PCDH15: variants seen among roughly 807,000 people sequenced by gnomAD.
PCDH15 encodes protocadherin-15.
In PCDH15, 129 loss-of-function variants were observed where a neutral mutation model predicts 178.5. That is an observed-to-expected ratio of 0.72 (90% CI 0.63 to 0.84). The LOEUF (loss-of-function observed/expected upper bound fraction) is 0.84. Among genes scored for constraint, PCDH15 ranks in the 40% least tolerant of loss-of-function variants. The pLI is 0.00. For synonymous variants in PCDH15, 800 were observed against 732.0 expected (o/e 1.09, Z -1.50); for missense variants, 2,230 against 2,099.9 (o/e 1.06, Z -1.21).
intron 2 of PCDH15, among the ~76,000 whole-genome samples, chr10:55,613,738 T>A (rs1472045005): frequency 1.3e-5 from 2 of 152,210 alleles, no homozygotes; most frequent in East Asian, 3.8e-4. Context: ...CATAGCCTCG[T>A]AGCTCAAAGC....
At chr10:55,564,764 T>C (rs749841893) in intron 2 of PCDH15, among the ~76,000 whole-genome samples, 1 of 150,914 alleles carries the variant, frequency 6.6e-6, no homozygotes, top group Non-Finnish European at 1.5e-5. Context: ...GCTGCAAGAG[T>C]CAAAGGAGGA....
chr10:54,757,549 G>A (rs1195143343), intron 1 of PCDH15, among the ~76,000 whole-genome samples: 1 of 32,260 alleles, frequency 3.1e-5, no homozygotes, highest in Non-Finnish European at 7.4e-5. Context: ...CCAAAGTGCT[G>A]GGATTACAGG....
At chr10:54,736,400 C>G (rs370072635) in intron 1 of PCDH15, among the ~76,000 whole-genome samples, 88 of 152,060 alleles carry the variant, frequency 5.8e-4, no homozygotes, top group African/African-American at 2.0e-3. Flanking sequence ...TCTCACCCAC[C>G]CCATCCCCCA....
chr10:55,516,183 A>C (rs546882200), intron 2 of PCDH15, among the ~76,000 whole-genome samples: 4 of 152,042 alleles, frequency 2.6e-5, no homozygotes, highest in African/African-American at 9.6e-5. Flanking sequence ...AGATAATTGA[A>C]TTGTGGACGG....
intron 3 of PCDH15, among the ~76,000 whole-genome samples, chr10:54,463,148 C>A (rs1373423378): frequency 6.6e-6 from 1 of 151,908 alleles, no homozygotes; most frequent in Middle Eastern, 3.2e-3. Context: ...AAAACATATT[C>A]CAAAAATCTA....
At chr10:53,880,887 T>C (rs1328005433) in intron 26 of PCDH15, among the ~76,000 whole-genome samples, 1 of 152,128 alleles carries the variant, frequency 6.6e-6, no homozygotes, top group Non-Finnish European at 1.5e-5. Context: ...CATGTTAATA[T>C]AAACAACCCT....
At chr10:53,947,924 T>C (rs1208024608) in intron 23 of PCDH15, among the ~76,000 whole-genome samples, 1 of 152,216 alleles carries the variant, frequency 6.6e-6, no homozygotes, top group Non-Finnish European at 1.5e-5. Context: ...TTCCTTTGCT[T>C]AAATTATTAT....
At chr10:54,820,990 A>C (rs1953028163) in intron 3 of PCDH15, among the ~76,000 whole-genome samples, 1 of 152,100 alleles carries the variant, frequency 6.6e-6, no homozygotes, top group South Asian at 2.1e-4. Context: ...CATATAATAC[A>C]AAACACACAT....
At chr10:54,516,924 G>C (rs1008680295) in intron 3 of PCDH15, among the ~76,000 whole-genome samples, 2 of 152,054 alleles carry the variant, frequency 1.3e-5, no homozygotes, top group South Asian at 4.1e-4. Flanking sequence ...TTAAAGAAAA[G>C]AATTTTCAAC....
chr10:55,443,010 C>G (rs540101051), intron 2 of PCDH15, among the ~76,000 whole-genome samples: 5 of 152,094 alleles, frequency 3.3e-5, no homozygotes, highest in African/African-American at 1.2e-4. Flanking sequence ...TCTTGGTAGT[C>G]ATAAATGAAA....
intron 2 of PCDH15, among the ~76,000 whole-genome samples, chr10:55,616,026 T>C (rs1843466075): frequency 6.6e-6 from 1 of 152,202 alleles, no homozygotes; most frequent in Non-Finnish European, 1.5e-5. Flanking sequence ...GAGTCACCAC[T>C]GACAATTGAA....
At chr10:54,922,580 T>C (rs777906129) in intron 2 of PCDH15, among the ~76,000 whole-genome samples, 42 of 152,194 alleles carry the variant, frequency 2.8e-4, no homozygotes, top group Non-Finnish European at 4.9e-4. Context: ...TTGTGTTTTA[T>C]AATGTGAGAA....
chr10:55,334,988 A>G (rs1844342392), intron 2 of PCDH15, among the ~76,000 whole-genome samples: 1 of 152,176 alleles, frequency 6.6e-6, no homozygotes, highest in Non-Finnish European at 1.5e-5. Context: ...ACCTGTTATA[A>G]CTGACTGAAA....
At chr10:55,624,823 T>C (rs1347854717) in intron 2 of PCDH15, among the ~76,000 whole-genome samples, 1 of 152,108 alleles carries the variant, frequency 6.6e-6, no homozygotes, top group African/African-American at 2.4e-5. Flanking sequence ...AGACTCACCA[T>C]TGGGTTCAGA....
chr10:55,190,396 A>C (rs1839917379), intron 1 of PCDH15, among the ~76,000 whole-genome samples: 1 of 151,790 alleles, frequency 6.6e-6, no homozygotes, highest in Non-Finnish European at 1.5e-5. Context: ...AAGGAAAAGC[A>C]AGCATTTTAT....
intron 13 of PCDH15, among the ~76,000 whole-genome samples, chr10:54,171,417 C>T (rs1460479787): frequency 6.6e-6 from 1 of 152,164 alleles, no homozygotes; most frequent in African/African-American, 2.4e-5. Context: ...GGTATAGATG[C>T]TCCTTTTTAT....
chr10:55,347,779 C>T (rs1324002229), intron 2 of PCDH15, among the ~76,000 whole-genome samples: 4 of 152,080 alleles, frequency 2.6e-5, no homozygotes, highest in African/African-American at 9.7e-5. Flanking sequence ...TAAGTCTGTG[C>T]CCACAGGTCA....
chr10:55,550,391 G>A (rs994824673), intron 2 of PCDH15, among the ~76,000 whole-genome samples: 2 of 152,094 alleles, frequency 1.3e-5, no homozygotes, highest in African/African-American at 4.8e-5. Flanking sequence ...GGGACAATAA[G>A]AGATTTGTGG....
chr10:54,774,966 A>G (rs759315375), intron 1 of PCDH15, among the ~76,000 whole-genome samples: 2 of 152,184 alleles, frequency 1.3e-5, no homozygotes, highest in Non-Finnish European at 2.9e-5. Flanking sequence ...TCACCTTTGT[A>G]ATTCCACACA....
Sources: gnomAD v4.1 joint callset for allele counts (sites outside exome capture counted in the v4.1 genomes callset) on GRCh38, gnomAD v4.1.1 for gene constraint, MANE v1.5 for transcripts, NCBI Gene and HGNC (gene_info 2026-07-23, HGNC 2026-07-21) for gene names.